The following SPAG17 variants were observed in gnomAD, a reference collection of about 807,000 sequenced individuals.
SPAG17 encodes sperm-associated antigen 17.
A neutral mutation model predicts 273.6 loss-of-function variants in SPAG17; 169 were observed. The observed-to-expected ratio is 0.62, with a 90% CI of 0.55 to 0.70. SPAG17 has a LOEUF of 0.70. Ranked by LOEUF, SPAG17 falls within the 30% of genes least tolerant of loss-of-function variation. SPAG17 has a pLI of 0.00. For synonymous variants in SPAG17, 825 were observed against 873.2 expected (o/e 0.94, Z 0.97); for missense variants, 2,557 against 2,627.8 (o/e 0.97, Z 0.59).
At chr1:118,054,868 C>T (rs1427808445) in intron 19 of SPAG17, among the ~76,000 whole-genome samples, 1 of 152,014 alleles carries the variant, frequency 6.6e-6, no homozygotes, top group Non-Finnish European at 1.5e-5. Context: ...ACTTTAAAAT[C>T]ATGCCATGTA....
At chr1:118,153,531 A>G (rs1659497811) in intron 1 of SPAG17, among the ~76,000 whole-genome samples, 5 of 152,216 alleles carry the variant, frequency 3.3e-5, no homozygotes, top group Admixed American at 3.3e-4. Flanking sequence ...TCTCAAATGT[A>G]TACATGTGTA....
At chr1:118,102,804 T>C (rs376258676) in intron 4 of SPAG17, among the ~76,000 whole-genome samples, 117 of 152,344 alleles carry the variant, frequency 7.7e-4, no homozygotes, top group African/African-American at 1.9e-3. Flanking sequence ...ACTGAGAAGA[T>C]ATGTTGCTTT....
At chr1:118,116,409 A>C (rs919374642) in intron 3 of SPAG17, among the ~76,000 whole-genome samples, 3 of 152,108 alleles carry the variant, frequency 2.0e-5, no homozygotes, top group African/African-American at 7.2e-5. Flanking sequence ...GTGTTACTAA[A>C]ATGTTCTGAC....
chr1:118,043,999 G>A (rs188427097), intron 20 of SPAG17, among the ~76,000 whole-genome samples: 51 of 152,158 alleles, frequency 3.4e-4, no homozygotes, highest in African/African-American at 1.2e-3. Flanking sequence ...GCAAAAATCA[G>A]TTTGTAGAAA....
chr1:118,140,567 G>A (rs1029124956), intron 3 of SPAG17, among the ~76,000 whole-genome samples: 1 of 152,108 alleles, frequency 6.6e-6, no homozygotes, highest in African/African-American at 2.4e-5. Flanking sequence ...CCAGAACTAT[G>A]GGATTCACTC....
chr1:118,007,047 T>C (rs1447261004), intron 31 of SPAG17, among the ~76,000 whole-genome samples: 1 of 152,226 alleles, frequency 6.6e-6, no homozygotes, highest in Non-Finnish European at 1.5e-5. Context: ...ACATCTTCTA[T>C]TCTGTAGTTT....
chr1:117,990,271 C>T (rs10923461), intron 38 of SPAG17, among the ~76,000 whole-genome samples: 9,116 of 152,240 alleles, frequency 0.06, 509 homozygotes, highest in East Asian at 0.31. Context: ...CTGAATGAAG[C>T]GCATGGCTGC....
intron 1 of SPAG17, among the ~76,000 whole-genome samples, chr1:118,160,696 A>G (rs866869723): frequency 5.3e-5 from 8 of 152,248 alleles, no homozygotes; most frequent in Middle Eastern, 3.2e-3. Context: ...CAAATTCAAT[A>G]AAATGTCCAA....
At chr1:118,068,056 G>A (rs906917621) in intron 17 of SPAG17, among the ~76,000 whole-genome samples, 1 of 152,022 alleles carries the variant, frequency 6.6e-6, no homozygotes, top group Non-Finnish European at 1.5e-5. Context: ...TTAGACAGCT[G>A]TGGGCTTTCG....
At chr1:118,086,174 G>T in intron 12 of SPAG17, 102 bp from the exon 13 acceptor site, 1 of 1,089,612 alleles carries the variant, frequency 9.2e-7, no homozygotes, top group Non-Finnish European at 1.3e-6. Flanking sequence ...CTCATTATTT[G>T]GGAACAGGGG....
chr1:118,127,696 T>C (rs1214684538), intron 3 of SPAG17, among the ~76,000 whole-genome samples: 1 of 152,260 alleles, frequency 6.6e-6, no homozygotes, highest in Non-Finnish European at 1.5e-5. Flanking sequence ...TTGGGTAGTA[T>C]GGTCATTTTG....
chr1:118,171,211 A>AG (rs1290573277), intron 1 of SPAG17, among the ~76,000 whole-genome samples: 1 of 152,172 alleles, frequency 6.6e-6, no homozygotes. Context: ...TTGTATAATA[A>AG]GTTGAATTGC....
intron 32 of SPAG17, among the ~76,000 whole-genome samples, chr1:118,001,855 C>T (rs1300629954): frequency 6.6e-6 from 1 of 151,982 alleles, no homozygotes; most frequent in East Asian, 1.9e-4. Flanking sequence ...TATTTCTTGC[C>T]TTCTGCTAGC....
chr1:117,975,008 C>G (rs1654983973), intron 43 of SPAG17, among the ~76,000 whole-genome samples: 1 of 152,148 alleles, frequency 6.6e-6, no homozygotes, highest in Non-Finnish European at 1.5e-5. Context: ...CCATGAGGAG[C>G]AAAGCCCAGT....
At chr1:118,038,217 T>A (rs1244057797) in intron 23 of SPAG17, among the ~76,000 whole-genome samples, 1 of 152,074 alleles carries the variant, frequency 6.6e-6, no homozygotes, top group Non-Finnish European at 1.5e-5. Flanking sequence ...AAAATGCAGA[T>A]TAAAACAACA....
At position 118,005,421 on chromosome 1, in the gene SPAG17, G is replaced by T. The variant is rs75886122; in HGVS notation, c.4769C>A (p.Thr1590Asn). 30,181 of 1,603,388 alleles carry T rather than the reference G, an allele frequency of 0.019. 374 individuals are homozygous for T. Among genetic ancestry groups the T allele is most frequent in the Non-Finnish European group, 0.024 (27,751 of 1,175,594 alleles). The part of the protein sequence containing the change: ...ICEVLDPEGN[T>N]FQVMADGSIS... ...ACCAAAGGTGCACTTTACCTGAAAAGTGTTTCCCTCAGGATCCAGAACCTC... is the reference window on the plus strand; with the variant it reads ...ACCAAAGGTGCACTTTACCTGAAAATTGTTTCCCTCAGGATCCAGAACCTC... The change falls in exon 32 of 49, where the codon ACT (threonine) becomes AAT (asparagine). Residue 1590 changes from threonine (T) to asparagine (N), a missense_variant. Transcript: ENST00000336338.
chr1:118,086,607 AC>A (rs1299469927), intron 12 of SPAG17, 63 bp downstream of exon 12: 1 of 1,375,504 alleles, frequency 7.3e-7, no homozygotes, highest in African/African-American at 1.4e-5. Flanking sequence ...GCTTCTTTCA[AC>A]TGAATAGTTA....
intron 17 of SPAG17, 50 bp from the exon 18 acceptor site, chr1:118,066,949 A>G: frequency 1.3e-6 from 2 of 1,544,110 alleles, no homozygotes; most frequent in South Asian, 2.5e-5. Flanking sequence ...TTTCCCCAAG[A>G]GAAGGGTCTC....
intron 26 of SPAG17, among the ~76,000 whole-genome samples, chr1:118,027,036 C>T (rs776365294): frequency 7.2e-5 from 11 of 152,072 alleles, no homozygotes; most frequent in Non-Finnish European, 1.2e-4. Flanking sequence ...ATAGAAAAGA[C>T]AGGTGAAAGG....
Sources: gnomAD v4.1 joint callset for allele counts (sites outside exome capture counted in the v4.1 genomes callset) on GRCh38, gnomAD v4.1.1 for gene constraint, MANE v1.5 for transcripts, NCBI Gene and HGNC (gene_info 2026-07-23, HGNC 2026-07-21) for gene names.